NOL10: variants seen among roughly 807,000 people sequenced by gnomAD.
The protein encoded by NOL10 is H_NH0074G24.1.
NOL10 carries 58 observed loss-of-function variants against 103.5 expected under a neutral mutation model. The ratio of observed to expected loss-of-function variants is 0.56; its 90% CI spans 0.45 to 0.70. NOL10 has a LOEUF of 0.70. Among genes scored for constraint, NOL10 ranks in the 30% least tolerant of loss-of-function variants. The pLI, the probability that NOL10 is intolerant of heterozygous loss-of-function variation, is 0.00. For synonymous variants in NOL10, 287 were observed against 282.5 expected, an observed-to-expected ratio of 1.02 and a Z score of -0.16; for missense variants, 763 against 807.3, an observed-to-expected ratio of 0.95 and a Z score of 0.67.
rs575225147 is a variant in NOL10 at position 10,619,175 on chromosome 2, CT to C, written c.1027-11865del. Among the ~76,000 whole-genome samples, 21 of 152,290 alleles carry C rather than the reference CT, an allele frequency of 1.4e-4. No homozygotes were observed. In the East Asian group the frequency reaches 4.0e-3, roughly 29 times the overall value. ...TATTTATGTATTTATGAGACAGAGT[CT>C]TGTTCTGTCACCCAGGCTGGAGTAC... On this transcript the variant is annotated intron_variant, in intron 13 of 20. Transcript: ENST00000381685.
intron 13 of NOL10, among the ~76,000 whole-genome samples, chr2:10,608,706 CCT>C (rs1393752957): frequency 6.6e-6 from 1 of 152,032 alleles, no homozygotes; most frequent in Non-Finnish European, 1.5e-5. Context: ...AAAAACAGCC[CCT>C]GTTAACACCC....
Position 10,651,006 on chromosome 2 carries a change from G to T in NOL10, c.973+3475C>A, listed in dbSNP as rs1260155620. 3.9e-5 allele frequency among the ~76,000 whole-genome samples: 6 copies of T among 152,100 alleles called. No individual in the cohort carries two copies. The South Asian group carries it at 6.2e-4, about 16-fold the overall frequency. On this transcript the variant is annotated intron_variant, in intron 12 of 20. Coordinates refer to ENST00000381685, the MANE Select transcript of NOL10 (RefSeq NM_024894.4). ...GAGCCTGAGTATTTCTCAGAAAGAG[G>T]CTTCTTTGCCAAGTAGTCACACCCT...
chr2:10,634,489 G>A lies in NOL10; in HGVS notation c.1026+9831C>T, dbSNP rs147810289. 714 of 456,560 alleles carry A rather than the reference G, an allele frequency of 1.6e-3. 9 individuals are homozygous for A. The highest frequency in any genetic ancestry group is 0.013 in the African/African-American group (651 of 50,182). 28.3% of individuals were successfully genotyped at this position (456,560 alleles called of 1,614,324 possible). A position where few individuals can be genotyped will look rare whatever the true frequency, so the allele number is the denominator to read the frequency against. On this transcript the variant is annotated intron_variant, in intron 13 of 20. Coordinates refer to ENST00000381685, the MANE Select transcript of NOL10 (RefSeq NM_024894.4). Reference sequence around the variant, plus strand: ...GATGTAGACACATTAAACAGGATGTGCTATTAGACATCCAAGTGGAGAAGC... The same window carrying A: ...GATGTAGACACATTAAACAGGATGTACTATTAGACATCCAAGTGGAGAAGC...
chr2:10,651,365 G>C (rs1572378171), intron 12 of NOL10, among the ~76,000 whole-genome samples: 1 of 152,118 alleles, frequency 6.6e-6, no homozygotes, highest in African/African-American at 2.4e-5. Flanking sequence ...CTGTCCAATG[G>C]AAAGAGCATG....
chr2:10,620,191 G>A lies in NOL10; in HGVS notation c.1027-12880C>T, dbSNP rs141062916. 7.3e-4 allele frequency among the ~76,000 whole-genome samples: 111 copies of A among 152,210 alleles called. 1 individual carries two copies. Among genetic ancestry groups the A allele is most frequent in the Non-Finnish European group, 1.1e-3 (75 of 68,018 alleles). The stretch of plus-strand genomic sequence containing the variant: ...CATCAGTAGTTTCCTGGTTCTACTC[G>A]ACTTCCTTGCAGGCAAAAGTGTTTA... On this transcript the variant is annotated intron_variant, in intron 13 of 20. Coordinates refer to ENST00000381685, the MANE Select transcript of NOL10 (RefSeq NM_024894.4).
intron 3 of NOL10, among the ~76,000 whole-genome samples, chr2:10,680,635 G>C (rs943730208): frequency 6.6e-6 from 1 of 152,090 alleles, no homozygotes; most frequent in South Asian, 2.1e-4. Context: ...ACCAGTTTCT[G>C]AACATAAAAC....
intron 10 of NOL10, among the ~76,000 whole-genome samples, chr2:10,658,239 AAG>A (rs1275541337): frequency 1.3e-5 from 2 of 152,202 alleles, no homozygotes; most frequent in Non-Finnish European, 2.9e-5. Flanking sequence ...ACAAAAATGA[AAG>A]ACATAATCAG....
At chr2:10,637,559 G>A (rs986271503) in intron 13 of NOL10, among the ~76,000 whole-genome samples, 1 of 152,188 alleles carries the variant, frequency 6.6e-6, no homozygotes, top group Non-Finnish European at 1.5e-5. Context: ...CACCTCTGCG[G>A]GGAGTGTGCT....
chr2:10,665,058 G>A (rs1157357422), intron 8 of NOL10, among the ~76,000 whole-genome samples: 1 of 152,108 alleles, frequency 6.6e-6, no homozygotes, highest in Non-Finnish European at 1.5e-5. Context: ...TACCTTAAAA[G>A]CAAACCCTTC....
intron 12 of NOL10, among the ~76,000 whole-genome samples, chr2:10,649,415 G>C (rs1370891158): frequency 6.9e-6 from 1 of 145,656 alleles, no homozygotes; most frequent in African/African-American, 2.6e-5. Flanking sequence ...CCGCCTCCTG[G>C]TTTCAAGCAA....
intron 13 of NOL10, among the ~76,000 whole-genome samples, chr2:10,613,560 T>C (rs1389815455): frequency 6.6e-6 from 1 of 152,200 alleles, no homozygotes; most frequent in African/African-American, 2.4e-5. Context: ...CACTAAATAG[T>C]AAGAATGTAG....
intron 13 of NOL10, among the ~76,000 whole-genome samples, chr2:10,629,030 G>A (rs1263649164): frequency 2.0e-5 from 3 of 152,014 alleles, no homozygotes; most frequent in Non-Finnish European, 4.4e-5. Flanking sequence ...AGAGCGAATG[G>A]ACAGCCACGT....
rs971943265 is a variant in NOL10 at position 10,625,130 on chromosome 2, G to C, written c.1027-17819C>G. Among the ~76,000 whole-genome samples, 8 of 152,176 alleles carry C rather than the reference G, an allele frequency of 5.3e-5. No individual in the cohort carries two copies. The East Asian group carries it at 1.6e-3, about 30-fold the overall frequency. Reference sequence around the variant, plus strand: ...CTCGGGGTTTGTGGGGTGGAGGAAGGGATGAACAGGTGGAACAGAGGACTT... The same window carrying C: ...CTCGGGGTTTGTGGGGTGGAGGAAGCGATGAACAGGTGGAACAGAGGACTT... On this transcript the variant is annotated intron_variant, in intron 13 of 20. Coordinates refer to ENST00000381685, the MANE Select transcript of NOL10 (RefSeq NM_024894.4).
chr2:10,626,241 C>T (rs1677455904), intron 13 of NOL10, among the ~76,000 whole-genome samples: 1 of 152,064 alleles, frequency 6.6e-6, no homozygotes, highest in African/African-American at 2.4e-5. Flanking sequence ...TTTAAACCAG[C>T]ATGCATGGAG....
At chr2:10,622,101 G>A (rs114674377) in intron 13 of NOL10, 6,358 of 471,362 alleles carry the variant, frequency 0.013, 354 homozygotes, top group African/African-American at 0.12. Context: ...TCACAGAAAC[G>A]CTGGTGGCAG....
chr2:10,600,835 G>C lies in NOL10; in HGVS notation c.1422+18C>G, dbSNP rs766816104. ...CAACAAAACGCAGAAACAATTTGCC[G>C]ATACTTTTTCACCTTACCTTAACTT... On this transcript the variant is annotated intron_variant, in intron 17 of 20. Transcript: ENST00000381685. 10 of 1,473,976 alleles carry C rather than the reference G, an allele frequency of 6.8e-6. No homozygotes were observed. The African/African-American group carries it at 8.4e-5, about 12-fold the overall frequency. 91.3% of individuals were successfully genotyped at this position (1,473,976 alleles called of 1,614,324 possible).
chr2:10,683,547 G>A (rs753471639), intron 2 of NOL10, among the ~76,000 whole-genome samples: 6 of 152,170 alleles, frequency 3.9e-5, no homozygotes, highest in Non-Finnish European at 7.4e-5. Flanking sequence ...CATGCTTACT[G>A]GGTATGGCGA....
intron 12 of NOL10, among the ~76,000 whole-genome samples, chr2:10,648,612 A>T (rs965491055): frequency 6.6e-6 from 1 of 152,138 alleles, no homozygotes; most frequent in Non-Finnish European, 1.5e-5. Context: ...AATGGGATCA[A>T]CCTTACCCCT....
At chr2:10,633,490 C>T (rs180883678) in intron 13 of NOL10, among the ~76,000 whole-genome samples, 81 of 151,394 alleles carry the variant, frequency 5.4e-4, no homozygotes, top group Non-Finnish European at 5.9e-4. Context: ...AGTTATTCCC[C>T]ACTTATGGTA....
Sources: gnomAD v4.1 joint callset for allele counts (sites outside exome capture counted in the v4.1 genomes callset) on GRCh38, gnomAD v4.1.1 for gene constraint, MANE v1.5 for transcripts, NCBI Gene and HGNC (gene_info 2026-07-23, HGNC 2026-07-21) for gene names.